Variants in SORCS1 observed in about 807,000 individuals in gnomAD.
The protein encoded by SORCS1 is VPS10 domain-containing receptor SorCS1.
SORCS1 carries 60 observed loss-of-function variants against 146.1 expected under a neutral mutation model. The observed-to-expected ratio is 0.41, with a 90% CI of 0.33 to 0.51. SORCS1 has a LOEUF of 0.51. Among genes scored for constraint, SORCS1 ranks in the 20% least tolerant of loss-of-function variants. The pLI, the probability that SORCS1 is intolerant of heterozygous loss-of-function variation, is 0.21. For missense variants in SORCS1, 1,352 were observed against 1,487.6 expected, an observed-to-expected ratio of 0.91 and a Z score of 1.50; for synonymous variants, 637 against 584.0, an observed-to-expected ratio of 1.09 and a Z score of -1.31.
intron 1 of SORCS1, among the ~76,000 whole-genome samples, chr10:107,105,528 G>A (rs551279374): frequency 6.6e-6 from 1 of 152,292 alleles, no homozygotes; most frequent in East Asian, 1.9e-4. Flanking sequence ...CTGAAGGCCC[G>A]AGTGCCCCTG....
rs1852248934 is a variant in SORCS1, at chr10:106,679,152, G to T, written c.1740+104C>A. ...AAATAAACATATTCACAGTCATTAG[G>T]ATTTATGTGTAGCACCGCTGAAAAA... is the stretch of plus-strand genomic sequence containing the variant. On this transcript the variant is annotated intron_variant, in intron 12 of 25. Coordinates refer to ENST00000263054, the MANE Select transcript of SORCS1 (RefSeq NM_052918.5). 3 of 723,482 alleles carry T rather than the reference G, an allele frequency of 4.1e-6. No individual in the cohort carries two copies. In the Admixed American group the frequency reaches 7.4e-5, roughly 18 times the overall value. 44.8% of individuals were successfully genotyped at this position (723,482 alleles called of 1,614,324 possible).
At chr10:106,950,363 C>G (rs1200652867) in intron 2 of SORCS1, among the ~76,000 whole-genome samples, 1 of 152,184 alleles carries the variant, frequency 6.6e-6, no homozygotes, top group Non-Finnish European at 1.5e-5. Context: ...GCCTCTTGGC[C>G]TCTTGACTAC....
At chr10:106,975,295 A>G (rs369735103) in intron 1 of SORCS1, among the ~76,000 whole-genome samples, 2 of 152,342 alleles carry the variant, frequency 1.3e-5, no homozygotes, top group South Asian at 2.1e-4. Flanking sequence ...AGCTGAAAAC[A>G]ACACTTCTGG....
chr10:106,987,549 C>T (rs529721346), intron 1 of SORCS1, among the ~76,000 whole-genome samples: 19 of 152,320 alleles, frequency 1.2e-4, no homozygotes, highest in South Asian at 6.2e-4. Context: ...CTTCTTGGCG[C>T]ATAGCCACCC....
At chr10:106,729,949 T>C in intron 6 of SORCS1, 101 bp downstream of exon 6, 5 of 1,397,492 alleles carry the variant, frequency 3.6e-6, no homozygotes, top group Middle Eastern at 1.8e-4. Context: ...ACATCCACTA[T>C]TACTCTGCAT....
intron 1 of SORCS1, among the ~76,000 whole-genome samples, chr10:107,118,534 C>T (rs1234617998): frequency 6.6e-6 from 1 of 152,114 alleles, no homozygotes; most frequent in Non-Finnish European, 1.5e-5. Context: ...ATCCAATGTC[C>T]TTTGATTTAA....
intron 2 of SORCS1, among the ~76,000 whole-genome samples, chr10:106,880,562 AGT>A (rs1950768757): frequency 6.6e-6 from 1 of 152,180 alleles, no homozygotes; most frequent in Non-Finnish European, 1.5e-5. Context: ...AGGTCTTGGA[AGT>A]GCTCAGAAAT....
intron 1 of SORCS1, among the ~76,000 whole-genome samples, chr10:107,140,667 A>G (rs1967733906): frequency 6.6e-6 from 1 of 152,220 alleles, no homozygotes; most frequent in Admixed American, 6.5e-5. Flanking sequence ...GTATATACCT[A>G]TACATAGTCC....
At chr10:107,021,753 A>G (rs1246398288) in intron 1 of SORCS1, among the ~76,000 whole-genome samples, 1 of 152,084 alleles carries the variant, frequency 6.6e-6, no homozygotes, top group African/African-American at 2.4e-5. Flanking sequence ...ATATCTTTCA[A>G]TGAAATTTCA....
intron 2 of SORCS1, among the ~76,000 whole-genome samples, chr10:106,950,133 A>G (rs529136535): frequency 1.3e-5 from 2 of 152,330 alleles, no homozygotes; most frequent in East Asian, 3.9e-4. Context: ...TTCTGCATCA[A>G]ATCATCCCCC....
At chr10:107,150,962 G>A (rs749355734) in intron 1 of SORCS1, among the ~76,000 whole-genome samples, 1 of 152,180 alleles carries the variant, frequency 6.6e-6, no homozygotes, top group Non-Finnish European at 1.5e-5. Context: ...TTAGCAGCAT[G>A]AGAATGAACC....
At chr10:106,581,729 T>C (rs1207757450) in intron 24 of SORCS1, among the ~76,000 whole-genome samples, 2 of 152,274 alleles carry the variant, frequency 1.3e-5, no homozygotes, top group East Asian at 3.9e-4. Context: ...TTGAAATAAA[T>C]CTTGGAAAAC....
chr10:106,879,537 T>C (rs1311666514), intron 2 of SORCS1, among the ~76,000 whole-genome samples: 1 of 152,200 alleles, frequency 6.6e-6, no homozygotes, highest in Non-Finnish European at 1.5e-5. Context: ...AGGGACTTTG[T>C]AGATGTAAGT....
rs956793678 is a variant in SORCS1 at position 106,847,817 on chromosome 10, T to C, written c.627-18144A>G. ...TCTCGTTGGTTTCAAAGAACATCTT[T>C]ACTTCTGTCTTCATTTCGTTATGTA... On this transcript the variant is annotated intron_variant, in intron 2 of 25. Transcript: ENST00000263054. 3.0e-5 allele frequency among the ~76,000 whole-genome samples: 4 copies of C among 134,334 alleles called. No individual in the cohort carries two copies. In the Admixed American group the frequency reaches 3.0e-4, roughly 10 times the overall value. The allele number at this position is 134,334 out of a possible 152,430, so 88.1% of individuals were successfully genotyped here. A position where few individuals can be genotyped will look rare whatever the true frequency, so the allele number is the denominator to read the frequency against.
At chr10:106,674,925 T>G in intron 14 of SORCS1, 124 bp downstream of exon 14, 1 of 705,876 alleles carries the variant, frequency 1.4e-6, no homozygotes, top group Non-Finnish European at 2.4e-6. Context: ...TGCTGTACAC[T>G]CTTGCAGTAA....
At chr10:106,747,511 T>C (rs559328415) in intron 5 of SORCS1, among the ~76,000 whole-genome samples, 1 of 152,276 alleles carries the variant, frequency 6.6e-6, no homozygotes, top group African/African-American at 2.4e-5. Flanking sequence ...AGTCTTACAG[T>C]TGGTTTTAGA....
intron 1 of SORCS1, among the ~76,000 whole-genome samples, chr10:107,021,372 G>A (rs2133870041): frequency 6.6e-6 from 1 of 151,654 alleles, no homozygotes; most frequent in Admixed American, 6.6e-5. Context: ...AAATTAGCCG[G>A]GCATGGTGGC....
intron 1 of SORCS1, among the ~76,000 whole-genome samples, chr10:107,073,979 T>C (rs1962664713): frequency 1.3e-5 from 2 of 152,296 alleles, no homozygotes; most frequent in South Asian, 4.2e-4. Context: ...CAGCTTCCTC[T>C]ATTATCAATA....
chr10:106,720,436 T>C (rs1313627839), intron 6 of SORCS1, among the ~76,000 whole-genome samples: 2 of 150,888 alleles, frequency 1.3e-5, no homozygotes, highest in Non-Finnish European at 2.9e-5. Context: ...GTAAGGCAGC[T>C]GAAAAGTATC....
Sources: gnomAD v4.1 joint callset for allele counts (sites outside exome capture counted in the v4.1 genomes callset) on GRCh38, gnomAD v4.1.1 for gene constraint, MANE v1.5 for transcripts, NCBI Gene and HGNC (gene_info 2026-07-23, HGNC 2026-07-21) for gene names.